RYR2: variants seen among roughly 807,000 people sequenced by gnomAD.
The protein encoded by RYR2 is ryanodine receptor 2.
In RYR2, 227 loss-of-function variants were observed where a neutral mutation model predicts 601.1. The observed-to-expected ratio is 0.38, with a 90% CI of 0.34 to 0.42. The LOEUF is 0.42. Among genes scored for constraint, RYR2 ranks in the 10% least tolerant of loss-of-function variants. The pLI is 1.00. For synonymous variants in RYR2, 2,223 were observed against 2,175.1 expected (o/e 1.02, Z -0.61); for missense variants, 4,646 against 6,156.5 (o/e 0.75, Z 8.21).
In RYR2 at chr1:237,499,206, G is replaced by A. The variant is rs183115715; in HGVS notation, c.2204-1505G>A. ...CTCGGAACAAGGATTGGGCTCATAA[G>A]CAAAAGTTTTTAGCTATGTCTTCAT... On this transcript the variant is annotated intron_variant, in intron 20 of 104. Transcript: ENST00000366574. Among the ~76,000 whole-genome samples, 53 of 152,188 alleles carry A rather than the reference G, an allele frequency of 3.5e-4. No individual in the cohort carries two copies. In the East Asian group the frequency reaches 9.3e-3, roughly 27 times the overall value.
chr1:237,588,553 C>G (rs1323229775), intron 29 of RYR2, among the ~76,000 whole-genome samples: 1 of 152,196 alleles, frequency 6.6e-6, no homozygotes, highest in African/African-American at 2.4e-5. Context: ...GAAATGAAGG[C>G]TGGGCACAGT....
intron 2 of RYR2, among the ~76,000 whole-genome samples, chr1:237,295,754 T>G (rs931179894): frequency 3.3e-5 from 5 of 152,210 alleles, no homozygotes; most frequent in Admixed American, 6.5e-5. Flanking sequence ...GGAAAAAATA[T>G]TGCCATAAAA....
rs1347003017 is a variant in RYR2 at position 237,505,087 on chromosome 1, C to G, written c.2613+1582C>G. The stretch of plus-strand genomic sequence containing the variant: ...TTTTATCTTGGGTATAGATTAAGAT[C>G]ATGAACTCTAGAGTCAAAGTGCCTG... On this transcript the variant is annotated intron_variant, in intron 22 of 104. Transcript: ENST00000366574. Among the ~76,000 whole-genome samples, 3 of 152,214 alleles carry G rather than the reference C, an allele frequency of 2.0e-5. No homozygotes were observed. In the East Asian group the frequency reaches 5.8e-4, roughly 29 times the overall value.
chr1:237,827,921 AAT>A lies in RYR2; in HGVS notation c.14591-459_14591-458del, dbSNP rs1466861484. 7.5e-3 allele frequency among the ~76,000 whole-genome samples: 1,047 copies of A among 139,294 alleles called. 9 individuals carry two copies. The highest frequency in any genetic ancestry group is 0.013 in the Non-Finnish European group (851 of 64,628). 91.4% of individuals were successfully genotyped at this position (139,294 alleles called of 152,430 possible). On this transcript the variant is annotated intron_variant, in intron 101 of 104. Coordinates refer to ENST00000366574, the MANE Select transcript of RYR2 (RefSeq NM_001035.3). ...CACTGCACTCCAGCCTGGGTGACAG[AAT>A]GAGACTCCGTCTCAAAAAAAAAAAA...
intron 12 of RYR2, among the ~76,000 whole-genome samples, chr1:237,439,549 C>G (rs1265054756): frequency 6.6e-6 from 1 of 151,760 alleles, no homozygotes; most frequent in East Asian, 1.9e-4. Flanking sequence ...GAGGCTGAGA[C>G]AGCAGAATTG....
In RYR2 at chr1:237,701,958, G is replaced by A. The variant is rs750249295; in HGVS notation, c.9368-20G>A. 6.8e-7 allele frequency: 1 copy of A among 1,466,324 alleles called. No homozygotes were observed. The highest frequency in any genetic ancestry group is 9.5e-7 in the Non-Finnish European group (1 of 1,048,886). The allele number at this position is 1,466,324 out of a possible 1,614,324, so 90.8% of individuals were successfully genotyped here. A position where few individuals can be genotyped will look rare whatever the true frequency, so the allele number is the denominator to read the frequency against. On this transcript the variant is annotated intron_variant, in intron 65 of 104. Transcript: ENST00000366574. ...AAATAAGTGGGTTTTTCTTTCAAGT[G>A]AGATTCTCTTTTTCCTTAGTGGAAG...
chr1:237,295,974 A>G (rs1298786339), intron 2 of RYR2, among the ~76,000 whole-genome samples: 1 of 152,224 alleles, frequency 6.6e-6, no homozygotes, highest in Non-Finnish European at 1.5e-5. Context: ...GATGCATGTC[A>G]TGGAGATAAT....
rs150886855 is a variant in RYR2 at position 237,635,387 on chromosome 1, T to A, written c.6792+395T>A. Among the ~76,000 whole-genome samples, 122 of 152,326 alleles carry A rather than the reference T, an allele frequency of 8.0e-4. 2 individuals carry two copies. The East Asian group carries it at 0.021, about 26-fold the overall frequency. ...TTCTTTTCGTGATATCTGCTGCCACTTTTGACTTAATCATACACTTCAGTT... is the reference window on the plus strand; with the variant it reads ...TTCTTTTCGTGATATCTGCTGCCACATTTGACTTAATCATACACTTCAGTT... On this transcript the variant is annotated intron_variant, in intron 44 of 104. Transcript: ENST00000366574.
At chr1:237,735,004 A>G (rs372867567) in intron 79 of RYR2, among the ~76,000 whole-genome samples, 6 of 152,296 alleles carry the variant, frequency 3.9e-5, no homozygotes, top group African/African-American at 1.2e-4. Context: ...ACATTAAAAG[A>G]TGGTTAGAAG....
Position 237,214,823 on chromosome 1 carries a change from C to G in RYR2, c.49-55674C>G, listed in dbSNP as rs1304463880. 3.9e-5 allele frequency among the ~76,000 whole-genome samples: 6 copies of G among 152,058 alleles called. No homozygotes were observed. The East Asian group carries it at 1.2e-3, about 29-fold the overall frequency. ...CCTTATGAACTTTAAGAATAAAATACAACATTCATTGAATATATTTGCAAA... is the reference window on the plus strand; with the variant it reads ...CCTTATGAACTTTAAGAATAAAATAGAACATTCATTGAATATATTTGCAAA... On this transcript the variant is annotated intron_variant, in intron 1 of 104. Transcript: ENST00000366574.
chr1:237,786,079 C>G, intron 91 of RYR2, 43 bp downstream of exon 91: 1 of 1,206,224 alleles, frequency 8.3e-7, no homozygotes, highest in Non-Finnish European at 1.2e-6. Flanking sequence ...TTCAGTTTGT[C>G]ATTACATCTC....
intron 27 of RYR2, among the ~76,000 whole-genome samples, chr1:237,564,706 C>T (rs1177182736): frequency 6.6e-6 from 1 of 152,168 alleles, no homozygotes; most frequent in African/African-American, 2.4e-5. Flanking sequence ...TGAGAATTTA[C>T]CCTTAACCAT....
intron 1 of RYR2, among the ~76,000 whole-genome samples, chr1:237,140,925 T>C (rs1280047032): frequency 6.6e-6 from 1 of 152,122 alleles, no homozygotes; most frequent in African/African-American, 2.4e-5. Context: ...GATTAGGGAG[T>C]GCATCTGCTG....
chr1:237,825,392 C>G (rs1453176919), intron 101 of RYR2, among the ~76,000 whole-genome samples: 1 of 152,120 alleles, frequency 6.6e-6, no homozygotes, highest in African/African-American at 2.4e-5. Context: ...TTTGACAAAC[C>G]TGACAAAAAG....
chr1:237,189,468 G>A (rs548584556), intron 1 of RYR2, among the ~76,000 whole-genome samples: 6 of 152,308 alleles, frequency 3.9e-5, no homozygotes, highest in African/African-American at 1.2e-4. Context: ...TTCACATGGC[G>A]AATTCCAAGC....
intron 51 of RYR2, among the ~76,000 whole-genome samples, 173 bp from the exon 52 acceptor site, chr1:237,654,101 T>C (rs1683014576): frequency 6.6e-6 from 1 of 152,176 alleles, no homozygotes. Flanking sequence ...ATATTAACCA[T>C]CACGTGTAGT....
At chr1:237,686,932 T>C (rs1686443125) in intron 62 of RYR2, among the ~76,000 whole-genome samples, 1 of 152,112 alleles carries the variant, frequency 6.6e-6, no homozygotes. Context: ...ACGTAAGGAG[T>C]GTGATCAAGG....
At chr1:237,113,619 A>T (rs182279609) in intron 1 of RYR2, among the ~76,000 whole-genome samples, 1 of 152,310 alleles carries the variant, frequency 6.6e-6, no homozygotes, top group Admixed American at 6.5e-5. Context: ...TTCCTGGCCC[A>T]GGGAGTGGGT....
intron 1 of RYR2, among the ~76,000 whole-genome samples, chr1:237,053,174 C>T (rs747853176): frequency 6.6e-5 from 10 of 152,090 alleles, no homozygotes; most frequent in East Asian, 1.9e-4. Flanking sequence ...TAGACTATCC[C>T]GTTAGTTCCC....
Sources: allele counts gnomAD v4.1 joint callset (sites outside exome capture counted in the v4.1 genomes callset), GRCh38; gene constraint gnomAD v4.1.1; transcripts MANE v1.5; gene names NCBI Gene and HGNC (gene_info 2026-07-23, HGNC 2026-07-21).